STAG1: variants seen among roughly 807,000 people sequenced by gnomAD.
STAG1 encodes the protein cohesin subunit SA-1.
STAG1 carries 26 observed loss-of-function variants against 170.9 expected under a neutral mutation model. That is an observed-to-expected ratio of 0.15 (90% confidence interval 0.11 to 0.21). The LOEUF (loss-of-function observed/expected upper bound fraction) is 0.21. Among genes scored for constraint, STAG1 ranks in the 10% least tolerant of loss-of-function variants. STAG1 has a pLI of 1.00. For synonymous variants in STAG1, 514 were observed against 497.7 expected (o/e 1.03, Z -0.44); for missense variants, 964 against 1,509.5 (o/e 0.64, Z 5.99).
chr3:136,715,186 T>TTA (rs1553770648), intron 1 of STAG1, among the ~76,000 whole-genome samples: 2 of 146,668 alleles, frequency 1.4e-5, no homozygotes, highest in East Asian at 2.0e-4. Flanking sequence ...TTTTTTTTTT[T>TTA]AATTTAAATA....
chr3:136,510,215 G>A (rs35899944), intron 7 of STAG1, among the ~76,000 whole-genome samples: 26,783 of 152,142 alleles, frequency 0.18, 2,894 homozygotes, highest in Non-Finnish European at 0.24. Context: ...ATGCCAAAGC[G>A]GGACCAGGTG....
intron 3 of STAG1, among the ~76,000 whole-genome samples, chr3:136,613,170 T>C (rs982443331): frequency 1.3e-5 from 2 of 151,840 alleles, no homozygotes; most frequent in African/African-American, 4.8e-5. Flanking sequence ...CCAGGTGTGG[T>C]GGCGGGTGCC....
At chr3:136,680,899 C>T (rs1401813956) in intron 1 of STAG1, among the ~76,000 whole-genome samples, 1 of 150,842 alleles carries the variant, frequency 6.6e-6, no homozygotes, top group African/African-American at 2.4e-5. Flanking sequence ...CCACCCCACC[C>T]TTGTGAATAC....
intron 31 of STAG1, among the ~76,000 whole-genome samples, chr3:136,340,932 G>A (rs565378069): frequency 3.9e-5 from 6 of 151,996 alleles, no homozygotes; most frequent in South Asian, 2.1e-4. Flanking sequence ...TTTTTGAGAC[G>A]GCGTCTTGCT....
chr3:136,527,157 A>T lies in STAG1; in HGVS notation c.472-5740T>A, dbSNP rs549406121. Among the ~76,000 whole-genome samples the T allele has an allele frequency of 2.0e-4, 31 of 152,230 alleles. 1 individual carries two copies. The South Asian group carries it at 6.2e-3, about 31-fold the overall frequency. Reference sequence around the variant, plus strand: ...GTTGGCCTGCCTTGCTAGGTTGGGGAAGTTCTCCTGGATAATATCCTGCAG... The same window carrying T: ...GTTGGCCTGCCTTGCTAGGTTGGGGTAGTTCTCCTGGATAATATCCTGCAG... On this transcript the variant is annotated intron_variant, in intron 6 of 33. Coordinates refer to ENST00000383202, the MANE Select transcript of STAG1 (RefSeq NM_005862.3).
chr3:136,464,940 G>A lies in STAG1; in HGVS notation c.1254C>T (p.His418=), dbSNP rs763034661. 3.7e-6 allele frequency: 6 copies of A among 1,612,526 alleles called. No individual in the cohort carries two copies. The highest frequency in any genetic ancestry group is 4.5e-5 in the East Asian group (2 of 44,860). Residue 418 remains histidine, a synonymous_variant, in exon 13 of 34, where the codon CAC becomes CAT. Transcript: ENST00000383202. Reference sequence around the variant, plus strand: ...CAGGGCGATGTGCCGAGTACACCAAGTGGTAAACATTTTCACAGTCTTCAT... The same window carrying A: ...CAGGGCGATGTGCCGAGTACACCAAATGGTAAACATTTTCACAGTCTTCAT... The part of the protein sequence containing the change: ...LSNEDCENVY[H]LVYSAHRPVA...
At chr3:136,498,248 A>G (rs556277944) in intron 9 of STAG1, among the ~76,000 whole-genome samples, 1 of 85,572 alleles carries the variant, frequency 1.2e-5, no homozygotes, top group Non-Finnish European at 2.3e-5. Context: ...ATACATATAC[A>G]TACACACACA....
chr3:136,717,075 T>G (rs1358355671), intron 1 of STAG1, among the ~76,000 whole-genome samples: 1 of 152,256 alleles, frequency 6.6e-6, no homozygotes, highest in Admixed American at 6.5e-5. Context: ...TAATCGTTTT[T>G]GTCTGTTCTA....
At chr3:136,707,312 C>A (rs754308775) in intron 1 of STAG1, among the ~76,000 whole-genome samples, 4 of 152,148 alleles carry the variant, frequency 2.6e-5, no homozygotes, top group Non-Finnish European at 4.4e-5. Flanking sequence ...AGTATCCAGA[C>A]TACATAAAGA....
At chr3:136,470,143 A>G (rs1338603148) in intron 12 of STAG1, among the ~76,000 whole-genome samples, 1 of 152,268 alleles carries the variant, frequency 6.6e-6, no homozygotes, top group African/African-American at 2.4e-5. Flanking sequence ...ATGGGATCCA[A>G]TTAACCTAAA....
intron 20 of STAG1, among the ~76,000 whole-genome samples, chr3:136,419,624 T>G (rs1042008111): frequency 4.2e-4 from 14 of 33,730 alleles, no homozygotes; most frequent in African/African-American, 7.2e-4. Flanking sequence ...TTTGTGTGTG[T>G]TTTTTTTTTT....
intron 14 of STAG1, among the ~76,000 whole-genome samples, chr3:136,451,289 G>T (rs1413358950): frequency 6.6e-6 from 1 of 152,068 alleles, no homozygotes; most frequent in Non-Finnish European, 1.5e-5. Context: ...ATAGCACATG[G>T]AAATATTGCT....
intron 8 of STAG1, among the ~76,000 whole-genome samples, 173 bp downstream of exon 8, chr3:136,502,455 C>T (rs991050908): frequency 2.0e-5 from 3 of 152,178 alleles, no homozygotes; most frequent in African/African-American, 4.8e-5. Context: ...TGCCATCAGA[C>T]GGCACTTACA....
chr3:136,526,178 C>G (rs900727270), intron 6 of STAG1, among the ~76,000 whole-genome samples: 1 of 152,150 alleles, frequency 6.6e-6, no homozygotes, highest in Admixed American at 6.5e-5. Context: ...ATCGATCTGT[C>G]TAATGTTGAC....
intron 10 of STAG1, 152 bp from the exon 11 acceptor site, chr3:136,473,789 G>T: frequency 1.8e-6 from 1 of 554,502 alleles, no homozygotes; most frequent in South Asian, 2.0e-5. Context: ...TATAGTGTGT[G>T]TTGCCCTTAT....
intron 7 of STAG1, among the ~76,000 whole-genome samples, chr3:136,520,334 T>C (rs945361349): frequency 6.6e-6 from 1 of 152,058 alleles, no homozygotes; most frequent in African/African-American, 2.4e-5. Context: ...AAAATTTAAA[T>C]GCAAAATGAA....
intron 15 of STAG1, among the ~76,000 whole-genome samples, chr3:136,434,935 T>C (rs1019349115): frequency 4.6e-5 from 7 of 152,214 alleles, no homozygotes; most frequent in African/African-American, 1.2e-4. Context: ...AAATAGCCAG[T>C]TGTCTCCACC....
At chr3:136,414,223 G>C (rs371414556) in intron 21 of STAG1, among the ~76,000 whole-genome samples, 4,372 of 152,248 alleles carry the variant, frequency 0.029, 98 homozygotes, top group Non-Finnish European at 0.043. Context: ...TTTCTCTGTA[G>C]CATGTGATGC....
At chr3:136,660,785 T>C (rs1275847106) in intron 1 of STAG1, among the ~76,000 whole-genome samples, 3 of 151,448 alleles carry the variant, frequency 2.0e-5, no homozygotes, top group Non-Finnish European at 4.4e-5. Flanking sequence ...TCTGGACACA[T>C]GATGAGACCC....
Sources: gnomAD v4.1 joint callset for allele counts (sites outside exome capture counted in the v4.1 genomes callset) on GRCh38, gnomAD v4.1.1 for gene constraint, MANE v1.5 for transcripts, NCBI Gene and HGNC (gene_info 2026-07-23, HGNC 2026-07-21) for gene names.